Variants in TK1 observed in about 807,000 individuals in gnomAD.
The protein encoded by TK1 is thymidine kinase, cytosolic.
TK1 carries 13 observed loss-of-function variants against 22.4 expected under a neutral mutation model. The observed-to-expected ratio is 0.58, with a 90% CI of 0.38 to 0.92. TK1 has a LOEUF of 0.92. Among genes scored for constraint, TK1 ranks in the 40% least tolerant of loss-of-function variants. The pLI, the probability that TK1 is intolerant of heterozygous loss-of-function variation, is 0.00. For synonymous variants in TK1, 134 were observed against 125.4 expected, an observed-to-expected ratio of 1.07 and a Z score of -0.46; for missense variants, 251 against 315.7, an observed-to-expected ratio of 0.80 and a Z score of 1.55.
Position 78,174,643 on chromosome 17 carries a change from A to T in TK1, c.*116T>A. The T allele has an allele frequency of 8.3e-7, 1 of 1,210,534 alleles. No individual in the cohort carries two copies. Among genetic ancestry groups the T allele is most frequent in the Non-Finnish European group, 1.1e-6 (1 of 888,720 alleles). The allele number at this position is 1,210,534 out of a possible 1,614,324, so 75.0% of individuals were successfully genotyped here. On this transcript the variant is annotated 3_prime_UTR_variant, in exon 7 of 7. Transcript: ENST00000301634. ...ACAAAGGAGAGTTCCCAGAAGGCCA[A>T]GGTGTGGTCACCCTCCACGCCTCCC... is the stretch of plus-strand genomic sequence containing the variant.
intron 4 of TK1, among the ~76,000 whole-genome samples, chr17:78,181,924 TC>T (rs1472492535): frequency 2.9e-5 from 4 of 135,756 alleles, no homozygotes; most frequent in East Asian, 4.0e-4. Flanking sequence ...CTGGCTAATT[TC>T]TTTTTTTTTT....
rs1159279595 is a variant in TK1 at position 78,185,081 on chromosome 17, G to A, written c.183C>T (p.Tyr61=). 7 of 1,612,518 alleles carry A rather than the reference G, an allele frequency of 4.3e-6. No homozygotes were observed. Among genetic ancestry groups the A allele is most frequent in the South Asian group, 1.1e-5 (1 of 90,998 alleles). Residue 61 remains tyrosine, a synonymous_variant, in exon 3 of 7, where the codon TAC becomes TAT. Transcript: ENST00000301634. ...LVIKYAKDTR[Y]SSSFCTHDRN... ...GGTCATGTGTGCAGAAGCTGCTGCT[G>A]TAGCGAGTGTCTTTGGCATACTTGA...
intron 6 of TK1, 32 bp from the exon 7 acceptor site, chr17:78,174,982 C>G (rs61536170): frequency 4.3e-6 from 7 of 1,610,354 alleles, no homozygotes; most frequent in Non-Finnish European, 5.9e-6. Flanking sequence ...GGGTGAAGGG[C>G]CAGGACAGGA....
intron 5 of TK1, 100 bp downstream of exon 5, chr17:78,175,429 G>T (rs761661868): frequency 1.3e-5 from 17 of 1,268,970 alleles, no homozygotes; most frequent in Non-Finnish European, 1.8e-5. Flanking sequence ...TAACCCTGTG[G>T]TGGCTGAGCC....
rs1429611143 is a variant in TK1 at position 78,174,873 on chromosome 17, A to G, written c.591T>C (p.Pro197=). The change falls in exon 7 of 7, where the codon CCT becomes CCC. Residue 197 remains proline (P), a synonymous_variant. Transcript: ENST00000301634. The part of the protein sequence containing the change: ...LCYFKKASGQ[P]AGPDNKENCP... ...AGTTCTCTTTGTTGTCCGGCCCGGC[A>G]GGCTGGCCTGAGGCCTTCTTGAAGT... 1.2e-6 allele frequency: 2 copies of G among 1,613,770 alleles called. No individual in the cohort carries two copies. Among genetic ancestry groups the G allele is most frequent in the Non-Finnish European group, 1.7e-6 (2 of 1,179,876 alleles).
chr17:78,184,572 C>T (rs912489461), intron 3 of TK1, among the ~76,000 whole-genome samples: 34 of 152,064 alleles, frequency 2.2e-4, no homozygotes, highest in Non-Finnish European at 2.9e-5. Context: ...CAGCCAACAA[C>T]GGACAACTAA....
chr17:78,176,159 G>A (rs909382925), intron 4 of TK1, among the ~76,000 whole-genome samples: 1 of 152,122 alleles, frequency 6.6e-6, no homozygotes, highest in African/African-American at 2.4e-5. Flanking sequence ...AAGGGGCGGG[G>A]GTCCTACTGG....
Position 78,174,493 on chromosome 17 carries a change from C to T in TK1, c.*266G>A. ...CCTCACCCCAAGGAGAGGGAGTGTG[C>T]CAGATCCCAGGCCACCAAGCGGGGC... On this transcript the variant is annotated 3_prime_UTR_variant, in exon 7 of 7. Transcript: ENST00000301634. 2.0e-6 allele frequency: 1 copy of T among 506,342 alleles called. No individual in the cohort carries two copies. The highest frequency in any genetic ancestry group is 2.6e-5 in the South Asian group (1 of 38,716). The allele number at this position is 506,342 out of a possible 1,614,324, so 31.4% of individuals were successfully genotyped here.
At chr17:78,175,698 C>T in intron 4 of TK1, 80 bp from the exon 5 acceptor site, 4 of 1,271,068 alleles carry the variant, frequency 3.1e-6, no homozygotes, top group Non-Finnish European at 4.5e-6. Context: ...AAGACGCTGC[C>T]AGATCTGACA....
chr17:78,186,857 C>A (rs12944394), intron 1 of TK1, 39 bp from the exon 2 acceptor site: 2 of 1,571,524 alleles, frequency 1.3e-6, no homozygotes, highest in African/African-American at 1.4e-5. Context: ...GCCCGCCCTG[C>A]GCGGATGCCT....
intron 1 of TK1, 25 bp from the exon 2 acceptor site, chr17:78,186,843 G>C: frequency 6.3e-7 from 1 of 1,576,824 alleles, no homozygotes; most frequent in Non-Finnish European, 8.6e-7. Context: ...GAGGTCATTT[G>C]AGGGCCCGCC....
intron 4 of TK1, among the ~76,000 whole-genome samples, chr17:78,180,133 T>C (rs1433995521): frequency 6.6e-6 from 1 of 152,162 alleles, no homozygotes; most frequent in Non-Finnish European, 1.5e-5. Context: ...TGTGCCCAGG[T>C]TCTAGTCTTT....
intron 3 of TK1, among the ~76,000 whole-genome samples, chr17:78,184,829 A>G (rs1297198033): frequency 6.6e-6 from 1 of 152,074 alleles, no homozygotes; most frequent in African/African-American, 2.4e-5. Flanking sequence ...GTCTTCAAAC[A>G]TTGTCAAATG....
chr17:78,183,441 G>A (rs1182802618), intron 3 of TK1, among the ~76,000 whole-genome samples: 2 of 152,156 alleles, frequency 1.3e-5, no homozygotes, highest in Non-Finnish European at 2.9e-5. Flanking sequence ...GCTCATGCCC[G>A]TAATCTTTGG....
intron 4 of TK1, among the ~76,000 whole-genome samples, chr17:78,176,309 T>C (rs1384722176): frequency 6.6e-6 from 1 of 152,174 alleles, no homozygotes; most frequent in Non-Finnish European, 1.5e-5. Flanking sequence ...TTCTCATCAA[T>C]CAATCATATC....
At chr17:78,184,209 C>T (rs1465173213) in intron 3 of TK1, among the ~76,000 whole-genome samples, 2 of 152,244 alleles carry the variant, frequency 1.3e-5, no homozygotes, top group East Asian at 3.8e-4. Flanking sequence ...CAAGCACCCT[C>T]CACTCCACCA....
intron 2 of TK1, among the ~76,000 whole-genome samples, chr17:78,185,928 G>A (rs2075785381): frequency 6.6e-6 from 1 of 152,162 alleles, no homozygotes; most frequent in Non-Finnish European, 1.5e-5. Flanking sequence ...ACATCTTCCT[G>A]AGCAAGGGGT....
At chr17:78,186,290 AACTC>A (rs1302892301) in intron 2 of TK1, among the ~76,000 whole-genome samples, 1 of 152,068 alleles carries the variant, frequency 6.6e-6, no homozygotes, top group Admixed American at 6.6e-5. Context: ...TTACTCAAGA[AACTC>A]ACTAGCCCCA....
intron 4 of TK1, among the ~76,000 whole-genome samples, chr17:78,177,006 G>T (rs927911271): frequency 2.6e-5 from 4 of 152,098 alleles, no homozygotes; most frequent in African/African-American, 9.7e-5. Flanking sequence ...CCTGCATCAG[G>T]GTTTCAGGAT....
Sources: allele counts gnomAD v4.1 joint callset (sites outside exome capture counted in the v4.1 genomes callset), GRCh38; gene constraint gnomAD v4.1.1; transcripts MANE v1.5; gene names NCBI Gene and HGNC (gene_info 2026-07-23, HGNC 2026-07-21).